SMC1A: variants seen among roughly 807,000 people sequenced by gnomAD.
The protein encoded by SMC1A is structural maintenance of chromosomes protein 1A.
Under a neutral mutation model 94.5 loss-of-function variants are expected in SMC1A, and 4 were observed. The ratio of observed to expected loss-of-function variants is 0.04; its 90% CI spans 0.02 to 0.10. The LOEUF is 0.10. Among genes scored for constraint, SMC1A ranks in the 10% least tolerant of loss-of-function variants. The probability of loss-of-function intolerance (pLI) is 1.00; values close to 1 mark genes in which losing one functional copy is unlikely to be tolerated. For missense variants in SMC1A, 304 were observed against 989.0 expected, an observed-to-expected ratio of 0.31 and a Z score of 9.29; for synonymous variants, 345 against 347.7, an observed-to-expected ratio of 0.99 and a Z score of 0.09.
chrX:53,396,474 G>A lies in SMC1A; in HGVS notation c.2706C>T (p.Asn902=), dbSNP rs1556888045. ...EEIRKKLGGA[N]KEMTHLQKEV... ...ACCCCAGGCCTGAACCCACTCACTT[G>A]TTGGCGCCCCCGAGTTTCTTACGAA... Residue 902 remains asparagine (N), a splice_region_variant and synonymous_variant, in exon 17 of 25, where the codon AAC becomes AAT. Transcript: ENST00000322213. The A allele has an allele frequency of 8.3e-7, 1 of 1,210,977 alleles. No individual in the cohort carries two copies. Among genetic ancestry groups the A allele is most frequent in the Non-Finnish European group, 1.1e-6 (1 of 895,395 alleles).
chrX:53,395,397 T>C (rs1300099061), intron 18 of SMC1A, among the ~76,000 whole-genome samples: 1 of 112,224 alleles, frequency 8.9e-6, no homozygotes, highest in Non-Finnish European at 1.9e-5. Flanking sequence ...CTTACTAACA[T>C]TGTGATTTTG....
chrX:53,394,757 A>ACCCCCCCCC, intron 19 of SMC1A, 21 bp downstream of exon 19: 1 of 284,081 alleles, frequency 3.5e-6, no homozygotes, highest in Non-Finnish European at 6.0e-6. Context: ...CCCCCACCAC[A>ACCCCCCCCC]CCCCTGTGGT....
chrX:53,398,730 A>C (rs1258269962), intron 16 of SMC1A, among the ~76,000 whole-genome samples: 15 of 111,694 alleles, frequency 1.3e-4, no homozygotes, highest in African/African-American at 4.9e-4. Context: ...CTACATAAAT[A>C]ATGTTACAAA....
At chrX:53,394,740 A>ACCCCCCCCCCCCCCCCCC in intron 19 of SMC1A, 38 bp downstream of exon 19, 4 of 351,484 alleles carry the variant, frequency 1.1e-5, no homozygotes, top group South Asian at 3.1e-5. Context: ...CTCCCACCCA[A>ACCCCCCCCCCCCCCCCCC]CCCCCACCCC....
chrX:53,416,169 G>A (rs1279323310), intron 1 of SMC1A, among the ~76,000 whole-genome samples: 1 of 106,194 alleles, frequency 9.4e-6, no homozygotes, highest in Non-Finnish European at 1.9e-5. Flanking sequence ...TGGGCGTGGT[G>A]GCGGGCGCCT....
intron 3 of SMC1A, among the ~76,000 whole-genome samples, chrX:53,414,341 C>A (rs1284462480): frequency 9.0e-6 from 1 of 111,025 alleles, no homozygotes; most frequent in East Asian, 2.8e-4. Flanking sequence ...TCTCAAATTT[C>A]GGCCGACATC....
intron 19 of SMC1A, among the ~76,000 whole-genome samples, chrX:53,383,597 T>C (rs1490407921): frequency 1.8e-5 from 2 of 112,593 alleles, no homozygotes; most frequent in Non-Finnish European, 3.8e-5. Context: ...CAGGGTGACC[T>C]GGAGGCTCCC....
intron 1 of SMC1A, chrX:53,422,145 C>A (rs372647613): frequency 2.1e-6 from 2 of 942,660 alleles, no homozygotes; most frequent in African/African-American, 3.9e-5. Context: ...CGGCTCCGGC[C>A]GGTCCGGCGG....
chrX:53,386,696 G>A (rs1382107312), intron 19 of SMC1A, among the ~76,000 whole-genome samples: 8 of 111,833 alleles, frequency 7.2e-5, no homozygotes, highest in African/African-American at 1.9e-4. Flanking sequence ...AAAGGCATAT[G>A]AGTGTTCACT....
chrX:53,413,352 C>T lies in SMC1A; in HGVS notation c.495G>A (p.Ala165=), dbSNP rs782260918. 4.1e-6 allele frequency: 5 copies of T among 1,209,602 alleles called. No homozygotes were observed. The highest frequency in any genetic ancestry group is 3.5e-5 in the South Asian group (2 of 56,805). The part of the protein sequence containing the change: ...FEEISRSGEL[A]QEYDKRKKEM... ...CCTTCTTTCGCTTGTCATACTCCTG[C>T]GCCAGCTCCCCAGAACGACTAATCT... The change falls in exon 4 of 25, where the codon GCG becomes GCA. Residue 165 remains alanine, a synonymous_variant. Coordinates refer to ENST00000322213, the MANE Select transcript of SMC1A (RefSeq NM_006306.4).
intron 3 of SMC1A, among the ~76,000 whole-genome samples, chrX:53,413,684 G>T (rs2075721682): frequency 8.9e-6 from 1 of 111,779 alleles, no homozygotes; most frequent in African/African-American, 3.3e-5. Flanking sequence ...ATGAAGCTTG[G>T]GGGTAGGAGA....
chrX:53,384,748 C>T (rs782016360), intron 19 of SMC1A, among the ~76,000 whole-genome samples: 1 of 110,879 alleles, frequency 9.0e-6, no homozygotes, highest in Non-Finnish European at 1.9e-5. Context: ...GAATTTGAGA[C>T]CAGCCTGGGC....
At chrX:53,416,226 C>T (rs1207175746) in intron 1 of SMC1A, among the ~76,000 whole-genome samples, 1 of 105,077 alleles carries the variant, frequency 9.5e-6, no homozygotes, top group Non-Finnish European at 2.0e-5. Context: ...TCGCTTGAAC[C>T]TGGGAGGTGG....
At position 53,415,054 on chromosome X, in the gene SMC1A, G is replaced by A; in HGVS notation, c.225C>T (p.Ala75=). 8.3e-7 allele frequency: 1 copy of A among 1,211,377 alleles called. No individual in the cohort carries two copies. The highest frequency in any genetic ancestry group is 3.0e-5 in the East Asian group (1 of 33,841). ...IHGAPVGKPA[A]NRAFVSMVYS... ...AGACCATGCTGACAAAGGCCCGGTTGGCAGCTGGCTTGCCCACAGGAGCTC... is the reference window on the plus strand; with the variant it reads ...AGACCATGCTGACAAAGGCCCGGTTAGCAGCTGGCTTGCCCACAGGAGCTC... Residue 75 remains alanine, a synonymous_variant, in exon 2 of 25, where the codon GCC becomes GCT. Coordinates refer to ENST00000322213, the MANE Select transcript of SMC1A (RefSeq NM_006306.4).
intron 3 of SMC1A, among the ~76,000 whole-genome samples, chrX:53,413,995 T>C (rs2075722769): frequency 1.9e-5 from 2 of 105,960 alleles, no homozygotes; most frequent in Admixed American, 1.0e-4. Context: ...GAGAATCACT[T>C]GAACCCTGGA....
Position 53,409,096 on chromosome X carries a change from A to T in SMC1A, c.1511T>A (p.Met504Lys). The T allele has an allele frequency of 8.3e-7, 1 of 1,211,338 alleles. No individual in the cohort carries two copies. The highest frequency in any genetic ancestry group is 1.1e-6 in the Non-Finnish European group (1 of 895,440). Residue 504 changes from methionine (M) to lysine (K), a missense_variant, in exon 9 of 25, where the codon ATG becomes AAG. Coordinates refer to ENST00000322213, the MANE Select transcript of SMC1A (RefSeq NM_006306.4). ...SSRQQRKAEIMESIKRLYPGS... is the reference protein window; with the variant it reads ...SSRQQRKAEIKESIKRLYPGS... ...AGGGTAAAGGCGCTTGATGCTTTCC[A>T]TTATCTCTGCCTTTCGCTGCTGGCG...
At chrX:53,407,203 T>A (rs2075694542) in intron 9 of SMC1A, among the ~76,000 whole-genome samples, 1 of 112,239 alleles carries the variant, frequency 8.9e-6, no homozygotes, top group African/African-American at 3.2e-5. Context: ...AGATAGCTTC[T>A]GGATAGGGGC....
At chrX:53,383,046 C>T (rs367931588) in intron 20 of SMC1A, 51 bp downstream of exon 20, 49 of 1,140,859 alleles carry the variant, frequency 4.3e-5, no homozygotes, top group Non-Finnish European at 5.5e-5. Flanking sequence ...CCGTGGCATA[C>T]CCTTAGCCTC....
At chrX:53,410,143 T>C (rs980633816) in intron 7 of SMC1A, among the ~76,000 whole-genome samples, 31 of 111,442 alleles carry the variant, frequency 2.8e-4, no homozygotes, top group African/African-American at 9.1e-4. Context: ...TAAAGTATAT[T>C]TGGTAAGAGT....
Sources: gnomAD v4.1 joint callset for allele counts (sites outside exome capture counted in the v4.1 genomes callset) on GRCh38, gnomAD v4.1.1 for gene constraint, MANE v1.5 for transcripts, NCBI Gene and HGNC (gene_info 2026-07-23, HGNC 2026-07-21) for gene names.